Variants in DMRT1 observed in about 807,000 individuals in gnomAD.
DMRT1 encodes doublesex and mab-3 related transcription factor 1.
Under a neutral mutation model 32.3 loss-of-function variants are expected in DMRT1, and 7 were observed. The observed-to-expected ratio is 0.22, with a 90% confidence interval of 0.12 to 0.41. The LOEUF (loss-of-function observed/expected upper bound fraction) is 0.41, where lower values mean the gene tolerates loss of function less well. Ranked by LOEUF, DMRT1 falls within the 10% of genes least tolerant of loss-of-function variation. DMRT1 has a pLI of 1.00. For synonymous variants in DMRT1, 278 were observed against 206.1 expected, an observed-to-expected ratio of 1.35 and a Z score of -2.99; for missense variants, 625 against 500.5, an observed-to-expected ratio of 1.25 and a Z score of -2.37.
chr9:966,663 T>C (rs10977852), intron 4 of DMRT1, among the ~76,000 whole-genome samples: 15,727 of 152,284 alleles, frequency 0.1, 884 homozygotes, highest in South Asian at 0.19. Flanking sequence ...ATCCTAGCTC[T>C]GTTCTTTTAT....
chr9:923,321 G>A (rs1267563254), intron 4 of DMRT1, among the ~76,000 whole-genome samples: 1 of 152,180 alleles, frequency 6.6e-6, no homozygotes, highest in Non-Finnish European at 1.5e-5. Context: ...TCTGTGACAA[G>A]CGGCCATGTG....
chr9:926,686 GTAGAGA>G (rs60467455), intron 4 of DMRT1, among the ~76,000 whole-genome samples: 87,201 of 148,970 alleles, frequency 0.59, 26,491 homozygotes, highest in Middle Eastern at 0.71. Flanking sequence ...GAAGACACAG[GTAGAGA>G]GAGAGAGAGA....
At chr9:850,676 A>G (rs1839105653) in intron 2 of DMRT1, among the ~76,000 whole-genome samples, 1 of 152,156 alleles carries the variant, frequency 6.6e-6, no homozygotes, top group Non-Finnish European at 1.5e-5. Flanking sequence ...CTTGTGTCTA[A>G]TTAGCTTTTT....
chr9:936,569 T>C (rs1210020225), intron 4 of DMRT1, among the ~76,000 whole-genome samples: 1 of 152,028 alleles, frequency 6.6e-6, no homozygotes, highest in East Asian at 1.9e-4. Context: ...CTGGCCAACA[T>C]GGCGAAACCC....
intron 2 of DMRT1, among the ~76,000 whole-genome samples, chr9:880,755 G>GA (rs142682054): frequency 6.7e-6 from 1 of 149,934 alleles, no homozygotes; most frequent in African/African-American, 2.5e-5. Flanking sequence ...AAAAGAAAAG[G>GA]AAAAAAAGTA....
At chr9:955,420 A>C (rs1169249823) in intron 4 of DMRT1, among the ~76,000 whole-genome samples, 4 of 152,182 alleles carry the variant, frequency 2.6e-5, no homozygotes, top group Non-Finnish European at 5.9e-5. Flanking sequence ...GAGGCAAAAA[A>C]CTTGGCTGGT....
intron 4 of DMRT1, among the ~76,000 whole-genome samples, chr9:917,734 G>C (rs1405101628): frequency 6.6e-6 from 1 of 152,230 alleles, no homozygotes; most frequent in African/African-American, 2.4e-5. Flanking sequence ...AGAACTTAGA[G>C]AATGAGAATC....
At chr9:899,758 G>C (rs150080164) in intron 3 of DMRT1, among the ~76,000 whole-genome samples, 2 of 152,226 alleles carry the variant, frequency 1.3e-5, no homozygotes, top group African/African-American at 4.8e-5. Context: ...GTTGACAAGG[G>C]AGAGGTGCGT....
chr9:919,841 A>G (rs535740185), intron 4 of DMRT1, among the ~76,000 whole-genome samples: 57 of 152,310 alleles, frequency 3.7e-4, no homozygotes, highest in African/African-American at 1.3e-3. Flanking sequence ...TTCTGGATAT[A>G]TTTTAAAGAT....
intron 2 of DMRT1, among the ~76,000 whole-genome samples, chr9:853,815 A>G (rs1284578245): frequency 6.9e-6 from 1 of 144,948 alleles, no homozygotes; most frequent in Non-Finnish European, 1.5e-5. Context: ...ATTTATTTAG[A>G]GACAGGGTCT....
chr9:884,139 G>C (rs1816836547), intron 2 of DMRT1, among the ~76,000 whole-genome samples: 1 of 152,068 alleles, frequency 6.6e-6, no homozygotes, highest in Non-Finnish European at 1.5e-5. Context: ...TGTGGATCCA[G>C]ATTTGAACAC....
chr9:876,189 A>T (rs951216255), intron 2 of DMRT1, among the ~76,000 whole-genome samples: 19 of 152,174 alleles, frequency 1.2e-4, no homozygotes, highest in African/African-American at 4.3e-4. Context: ...CAACATAGTT[A>T]GGTTAGCAGC....
At chr9:898,239 C>T (rs1817447788) in intron 3 of DMRT1, among the ~76,000 whole-genome samples, 1 of 152,044 alleles carries the variant, frequency 6.6e-6, no homozygotes, top group Admixed American at 6.5e-5. Flanking sequence ...TGTGCCTCAG[C>T]CTCCCAAGTA....
intron 2 of DMRT1, among the ~76,000 whole-genome samples, chr9:860,775 G>A (rs940745974): frequency 1.3e-5 from 2 of 152,208 alleles, no homozygotes; most frequent in African/African-American, 4.8e-5. Flanking sequence ...TTAAGTCAGA[G>A]CTAGTCCCAA....
intron 1 of DMRT1, among the ~76,000 whole-genome samples, chr9:844,961 A>G (rs988851401): frequency 6.6e-6 from 1 of 151,674 alleles, no homozygotes; most frequent in Non-Finnish European, 1.5e-5. Flanking sequence ...ACCTCAGGTG[A>G]TCCACCCGCC....
intron 2 of DMRT1, among the ~76,000 whole-genome samples, chr9:879,071 T>C (rs1195693109): frequency 6.6e-6 from 1 of 152,190 alleles, no homozygotes; most frequent in Non-Finnish European, 1.5e-5. Flanking sequence ...ACTTTATTGC[T>C]GTCTACTAAT....
intron 4 of DMRT1, among the ~76,000 whole-genome samples, chr9:923,677 A>G (rs1263822620): frequency 6.6e-6 from 1 of 152,174 alleles, no homozygotes; most frequent in Non-Finnish European, 1.5e-5. Flanking sequence ...GAGTGGGGCA[A>G]AGACTCAGAG....
At position 968,578 on chromosome 9, in the gene DMRT1, G is replaced by C. The variant is rs1189623292; in HGVS notation, c.*439G>C. 1 of 166,062 alleles carries C rather than the reference G, an allele frequency of 6.0e-6. No homozygotes were observed. The highest frequency in any genetic ancestry group is 2.4e-5 in the African/African-American group (1 of 41,022). 10.3% of individuals were successfully genotyped at this position (166,062 alleles called of 1,614,324 possible). ...AGATATAAATTTAGCCAAGTTACCT[G>C]ACGGGTGAGAAGAAAAGAGCAGGCA... is the stretch of plus-strand genomic sequence containing the variant. On this transcript the variant is annotated 3_prime_UTR_variant, in exon 5 of 5. Transcript: ENST00000382276.
Position 929,556 on chromosome 9 carries a change from GTGA to G in DMRT1, c.967+12651_967+12653del, listed in dbSNP as rs553255758. On this transcript the variant is annotated intron_variant, in intron 4 of 4. Transcript: ENST00000382276. ...ACATATTATTTCTCCTTCTGCTTGG[GTGA>G]TACATAGGTCCAGAAAGGTCAAAAG... Among the ~76,000 whole-genome samples, 271 of 151,970 alleles carry G rather than the reference GTGA, an allele frequency of 1.8e-3. 3 individuals are homozygous for G. The highest frequency in any genetic ancestry group is 3.4e-3 in the Middle Eastern group (1 of 294).
Sources: gnomAD v4.1 joint callset for allele counts (sites outside exome capture counted in the v4.1 genomes callset) on GRCh38, gnomAD v4.1.1 for gene constraint, MANE v1.5 for transcripts, NCBI Gene and HGNC (gene_info 2026-07-23, HGNC 2026-07-21) for gene names.